Variants in LETMD1 observed in about 807,000 individuals in gnomAD.
LETMD1 encodes LETM1 domain containing 1, also known as LETM1 domain-containing protein 1.
A neutral mutation model predicts 43.9 loss-of-function variants in LETMD1; 30 were observed. The observed-to-expected ratio is 0.68, with a 90% CI of 0.51 to 0.93. The LOEUF is 0.93. Ranked by LOEUF, LETMD1 falls within the 40% of genes least tolerant of loss-of-function variation. The probability of loss-of-function intolerance (pLI) is 0.00; values close to 1 mark genes in which losing one functional copy is unlikely to be tolerated. For missense variants in LETMD1, 413 were observed against 447.7 expected (o/e 0.92, Z 0.70); for synonymous variants, 176 against 163.1 (o/e 1.08, Z -0.60).
At chr12:51,068,892 T>C in the LETMD1 span, among the ~76,000 whole-genome samples, 1 of 152,258 alleles carries the variant, frequency 6.6e-6, no homozygotes, top group Admixed American at 6.5e-5. Flanking sequence ...AAGAGCTTCA[T>C]TCTACTGTAA....
chr12:51,066,937 C>T, the LETMD1 span, among the ~76,000 whole-genome samples: 1 of 150,476 alleles, frequency 6.6e-6, no homozygotes, highest in South Asian at 2.2e-4. Context: ...AGTGATCCTC[C>T]TCCCATCTCA....
downstream of LETMD1, chr12:51,064,154 G>A: frequency 6.2e-7 from 1 of 1,614,156 alleles, no homozygotes; most frequent in East Asian, 2.2e-5. Context: ...AGTAGGATGG[G>A]CTGTTCACCG....
downstream of LETMD1, chr12:51,063,771 G>C: frequency 6.3e-6 from 10 of 1,576,350 alleles, no homozygotes; most frequent in Non-Finnish European, 8.6e-6. Context: ...GAGTTCTAAG[G>C]AAGAATCTTC....
chr12:51,058,390 G>T (rs1465490422), intron 8 of LETMD1: 1 of 479,600 alleles, frequency 2.1e-6, no homozygotes. Context: ...ACTTCCTTAT[G>T]GGGGGAATAT....
chr12:51,052,649 C>T (rs571297772), intron 3 of LETMD1, among the ~76,000 whole-genome samples: 13 of 151,818 alleles, frequency 8.6e-5, no homozygotes, highest in Non-Finnish European at 1.3e-4. Flanking sequence ...AGTGTGGTGG[C>T]GGGCGCCTGT....
downstream of LETMD1, chr12:51,064,037 C>T (rs1937846097): frequency 2.4e-5 from 38 of 1,614,244 alleles, no homozygotes; most frequent in Non-Finnish European, 3.2e-5. Context: ...CATTCAGATC[C>T]TTCTCCTTTG....
chr12:51,056,281 C>T (rs777886836), intron 6 of LETMD1, 36 bp downstream of exon 6: 21 of 1,613,030 alleles, frequency 1.3e-5, no homozygotes, highest in Admixed American at 1.7e-5. Flanking sequence ...TCCATAGCAT[C>T]ACCATGTTTC....
intron 2 of LETMD1, among the ~76,000 whole-genome samples, chr12:51,050,850 C>A (rs1413407840): frequency 6.7e-6 from 1 of 148,920 alleles, no homozygotes; most frequent in African/African-American, 2.5e-5. Flanking sequence ...ACCGTCTCTA[C>A]TAAAAATACA....
chr12:51,063,908 G>T (rs751385613), downstream of LETMD1: 7 of 1,613,934 alleles, frequency 4.3e-6, no homozygotes, highest in Non-Finnish European at 1.7e-6. Context: ...GCTCCTCAGG[G>T]TTACAATCTT....
downstream of LETMD1, chr12:51,063,983 T>C: frequency 6.2e-7 from 1 of 1,613,980 alleles, no homozygotes; most frequent in Non-Finnish European, 8.5e-7. Flanking sequence ...CAGCTGGGTC[T>C]GTGGAGCTAC....
chr12:51,060,420 A>C lies in LETMD1; in HGVS notation c.*989A>C, dbSNP rs938421310. ...AGACTGCTTGAAACCTGTTGATGGA[A>C]ATGACTTATGCATACTCTAATCATT... is the stretch of plus-strand genomic sequence containing the variant. On this transcript the variant is annotated 3_prime_UTR_variant, in exon 9 of 9. Transcript: ENST00000262055. The C allele has an allele frequency of 6.6e-6, 1 of 152,186 alleles. No homozygotes were observed. The highest frequency in any genetic ancestry group is 2.4e-5 in the African/African-American group (1 of 41,448). 9.4% of individuals were successfully genotyped at this position (152,186 alleles called of 1,614,324 possible).
At chr12:51,063,891 T>C (rs150879045), downstream of LETMD1, 2 of 1,613,978 alleles carry the variant, frequency 1.2e-6, no homozygotes, top group African/African-American at 2.7e-5. Context: ...GAAGTCTTCA[T>C]TTTCAGGCTC....
the LETMD1 span, among the ~76,000 whole-genome samples, chr12:51,066,124 T>C: frequency 6.6e-6 from 1 of 151,484 alleles, no homozygotes; most frequent in Non-Finnish European, 1.5e-5. Flanking sequence ...GTTTGAGACC[T>C]GCCCGGCCAA....
intron 8 of LETMD1, chr12:51,058,893 G>A (rs1454166273): frequency 5.1e-6 from 1 of 196,580 alleles, no homozygotes; most frequent in Non-Finnish European, 1.1e-5. Flanking sequence ...GAGAAGTACT[G>A]GTCTAAAGGC....
At chr12:51,063,841 C>T (rs1401155832), downstream of LETMD1, 2 of 1,613,772 alleles carry the variant, frequency 1.2e-6, no homozygotes, top group Non-Finnish European at 1.7e-6. Context: ...TCTTCATTGT[C>T]CGTGCGGAAG....
chr12:51,063,517 G>A (rs1277610732), downstream of LETMD1: 5 of 348,220 alleles, frequency 1.4e-5, no homozygotes, highest in South Asian at 9.1e-5. Flanking sequence ...TCAGCACTAC[G>A]CAGCTTTCTT....
intron 1 of LETMD1, 153 bp downstream of exon 1, chr12:51,048,631 T>A: frequency 2.1e-6 from 2 of 945,432 alleles, no homozygotes; most frequent in Non-Finnish European, 3.1e-6. Flanking sequence ...CGATCCCCAC[T>A]AGTGACCCGG....
In LETMD1 at chr12:51,058,091, G is replaced by A; in HGVS notation, c.975G>A (p.Trp325Ter). Residue 325 changes from tryptophan (W) to a stop codon, truncating the protein, a stop_gained, in exon 8 of 9, where the codon TGG (tryptophan) becomes TGA (stop). Coordinates refer to ENST00000262055, the MANE Select transcript of LETMD1 (RefSeq NM_015416.5). LOFTEE classifies it high-confidence loss of function. ...THIGEDRCRT[W>*]LGEWLQISCS... ...TTGGTGAAGATAGGTGTCGAACTTG[G>A]CTGGGAGAATGGCTGCAGATTTCCT... The A allele has an allele frequency of 6.2e-7, 1 of 1,613,792 alleles. No homozygotes were observed. Among genetic ancestry groups the A allele is most frequent in the Non-Finnish European group, 8.5e-7 (1 of 1,179,680 alleles).
the LETMD1 span, chr12:51,067,752 CG>C: frequency 6.2e-7 from 1 of 1,614,168 alleles, no homozygotes; most frequent in Non-Finnish European, 8.5e-7. This position sits in a 1 kb window ranked among gnomAD's most constrained non-coding sequence, Gnocchi z 4.1. Flanking sequence ...ACATTCTTCC[CG>C]TGACAGGCGG....
Sources: gnomAD v4.1 joint callset for allele counts (sites outside exome capture counted in the v4.1 genomes callset) on GRCh38, gnomAD v4.1.1 for gene constraint, Gnocchi (gnomAD v3.1) non-coding constraint, MANE v1.5 for transcripts, NCBI Gene and HGNC (gene_info 2026-07-23, HGNC 2026-07-21) for gene names.